ZNF273: variants seen among roughly 807,000 people sequenced by gnomAD.
ZNF273 encodes zinc finger protein 273, also known as zinc finger protein 9.
In ZNF273, 11 loss-of-function variants were observed where a neutral mutation model predicts 14.9. The observed-to-expected ratio is 0.74, with a 90% confidence interval of 0.46 to 1.22. ZNF273 has a LOEUF of 1.22. Ranked by LOEUF, ZNF273 falls within the 50% of genes most tolerant of loss-of-function variation. The probability of loss-of-function intolerance (pLI) is 0.00; values close to 1 mark genes in which losing one functional copy is unlikely to be tolerated. For missense variants in ZNF273, 577 were observed against 660.6 expected (o/e 0.87, Z 1.39); for synonymous variants, 199 against 223.9 (o/e 0.89, Z 0.99).
At chr7:64,925,153 C>T (rs781143316) in intron 3 of ZNF273, among the ~76,000 whole-genome samples, 3 of 151,866 alleles carry the variant, frequency 2.0e-5, no homozygotes, top group African/African-American at 7.3e-5. Context: ...GTCTCTTGAT[C>T]GGAAAGTTAA....
At chr7:64,884,238 C>T (rs1426214690), downstream of ZNF273, among the ~76,000 whole-genome samples, 1 of 152,022 alleles carries the variant, frequency 6.6e-6, no homozygotes, top group Non-Finnish European at 1.5e-5. Flanking sequence ...TGTGGGTAGT[C>T]GTCTCATTTT....
At position 64,927,760 on chromosome 7, in the gene ZNF273, A is replaced by G. The variant is rs1186481471; in HGVS notation, c.432A>G (p.Leu144=). 1.2e-6 allele frequency: 2 copies of G among 1,613,672 alleles called. No individual in the cohort carries two copies. Among genetic ancestry groups the G allele is most frequent in the Admixed American group, 3.3e-5 (2 of 59,940 alleles). Residue 144 remains leucine (L), a synonymous_variant, in exon 4 of 4, where the codon TTA becomes TTG. Transcript: ENST00000476120. ...RRYGKYGHEN[L]QLRKGCKSAD... ...ATGGAAAATATGGACATGAGAATTT[A>G]CAATTAAGAAAAGGCTGTAAAAGTG... is the stretch of plus-strand genomic sequence containing the variant.
chr7:64,930,885 T>C lies in ZNF273; in HGVS notation c.*1847T>C, dbSNP rs1794977377. The C allele has an allele frequency of 6.6e-6, 1 of 152,156 alleles. No homozygotes were observed. Among genetic ancestry groups the C allele is most frequent in the African/African-American group, 2.4e-5 (1 of 41,448 alleles). The allele number at this position is 152,156 out of a possible 1,614,324, so 9.4% of individuals were successfully genotyped here. On this transcript the variant is annotated 3_prime_UTR_variant, in exon 4 of 4. Coordinates refer to ENST00000476120, the MANE Select transcript of ZNF273 (RefSeq NM_021148.3). The stretch of plus-strand genomic sequence containing the variant: ...TTATCCTTTGTATTTTATTTTAAAA[T>C]GTACAACTAAATTGTTATGGACTAC...
intron 1 of ZNF273, chr7:64,888,188 AC>A (rs1300588875): frequency 1.5e-6 from 1 of 647,262 alleles, no homozygotes; most frequent in African/African-American, 2.0e-5. Context: ...CCCTCATTTC[AC>A]CCCATTCCCT....
chr7:64,926,187 C>G (rs1225281823), intron 3 of ZNF273, among the ~76,000 whole-genome samples: 1 of 125,662 alleles, frequency 8.0e-6, no homozygotes, highest in Non-Finnish European at 1.7e-5. Context: ...CTATATCACA[C>G]AGTTTTTTCT....
At chr7:64,889,770 C>T, downstream of ZNF273, 1 of 985,702 alleles carries the variant, frequency 1.0e-6, no homozygotes. This position sits in a 1 kb window ranked among gnomAD's most constrained non-coding sequence, Gnocchi z 4.2. Context: ...CTCCAGGAGT[C>T]CCGAGCCCAA....
chr7:64,925,260 T>C (rs1794716715), intron 3 of ZNF273, among the ~76,000 whole-genome samples: 1 of 152,198 alleles, frequency 6.6e-6, no homozygotes, highest in Non-Finnish European at 1.5e-5. Flanking sequence ...TCATTTTCTT[T>C]ATCTTCTGTG....
intron 3 of ZNF273, chr7:64,923,621 C>T (rs1344711570): frequency 2.3e-5 from 6 of 263,884 alleles, no homozygotes; most frequent in Non-Finnish European, 4.5e-5. Context: ...GGATTACAGG[C>T]ATGAGCCACA....
downstream of ZNF273, among the ~76,000 whole-genome samples, chr7:64,883,178 G>C (rs922441440): frequency 6.6e-6 from 1 of 151,054 alleles, no homozygotes; most frequent in Admixed American, 6.6e-5. Context: ...CGGTGAATTG[G>C]GGGGCTGGCT....
chr7:64,885,780 C>G (rs1791537276), intron 1 of ZNF273, among the ~76,000 whole-genome samples: 1 of 152,132 alleles, frequency 6.6e-6, no homozygotes, highest in Non-Finnish European at 1.5e-5. Context: ...GGTGCTGGGG[C>G]CACAGTGCCA....
chr7:64,921,760 G>T (rs1424530537), intron 3 of ZNF273, among the ~76,000 whole-genome samples: 5 of 151,316 alleles, frequency 3.3e-5, no homozygotes, highest in Admixed American at 2.6e-4. Flanking sequence ...CAAGTAACTG[G>T]GATTACAGGC....
In ZNF273 at chr7:64,903,309, C is replaced by T; in HGVS notation, c.-9C>T. 1.2e-6 allele frequency: 2 copies of T among 1,607,474 alleles called. No homozygotes were observed. The highest frequency in any genetic ancestry group is 1.7e-6 in the Non-Finnish European group (2 of 1,174,884). On this transcript the variant is annotated 5_prime_UTR_variant, in exon 1 of 4. Coordinates refer to ENST00000476120, the MANE Select transcript of ZNF273 (RefSeq NM_021148.3). ...CAGTCGCAGCTCCAGGTCTCGTCTT[C>T]ACTGCTCTATGTCCTCTGCTCCTAG...
intron 1 of ZNF273, among the ~76,000 whole-genome samples, chr7:64,906,668 T>C (rs1429231982): frequency 7.4e-6 from 1 of 136,032 alleles, no homozygotes; most frequent in Non-Finnish European, 1.6e-5. Context: ...ACACCAGCCA[T>C]GAAGAAGCCT....
chr7:64,925,895 C>A (rs10243927), intron 3 of ZNF273, among the ~76,000 whole-genome samples: 8,069 of 149,824 alleles, frequency 0.054, 228 homozygotes, highest in Middle Eastern at 0.082. Flanking sequence ...TGTACTGCAC[C>A]ATTATGATAA....
In ZNF273 at chr7:64,928,045, T is replaced by G. The variant is rs1327631782; in HGVS notation, c.717T>G (p.Cys239Trp). ...TGAATTTCTACAAATGTAAGACATG[T>G]GGAAAAGCCTTTAACCAGTTCTCAA... ...TRVNFYKCKT[C>W]GKAFNQFSNL... Residue 239 changes from cysteine (C) to tryptophan (W), a missense_variant, in exon 4 of 4, where the codon TGT becomes TGG. Around this residue, in one of 3 missense-constraint regions of ZNF273, gnomAD observed 411 missense variants for 440.4 expected, o/e 0.93. Coordinates refer to ENST00000476120, the MANE Select transcript of ZNF273 (RefSeq NM_021148.3). 8.7e-6 allele frequency: 14 copies of G among 1,613,894 alleles called. No individual in the cohort carries two copies. The African/African-American group carries it at 1.6e-4, about 18-fold the overall frequency.
At chr7:64,897,326 T>G (rs1489515135) in intron 3 of ZNF273, 2 of 152,260 alleles carry the variant, frequency 1.3e-5, no homozygotes, top group Non-Finnish European at 2.9e-5. Flanking sequence ...GCTAATGTTT[T>G]TGTTTGTTTG....
chr7:64,928,582 T>G lies in ZNF273; in HGVS notation c.1254T>G (p.Thr418=), dbSNP rs780855503. The change falls in exon 4 of 4, where the codon ACT becomes ACG. Residue 418 remains threonine, a synonymous_variant. Transcript: ENST00000476120. ...CCTTTAAACGGTCCACAACTCTTAC[T>G]AAACATAAGAGAATTTATACTAAAG... ...GKAFKRSTTL[T]KHKRIYTKEK... 6.2e-7 allele frequency: 1 copy of G among 1,610,598 alleles called. No individual in the cohort carries two copies. Among genetic ancestry groups the G allele is most frequent in the East Asian group, 2.2e-5 (1 of 44,844 alleles).
At chr7:64,902,343 A>G (rs545741341), upstream of ZNF273, among the ~76,000 whole-genome samples, 5 of 152,250 alleles carry the variant, frequency 3.3e-5, no homozygotes, top group East Asian at 9.7e-4. Context: ...GTAAAATCGG[A>G]TATTAAATAA....
chr7:64,912,840 T>G (rs1263437965), intron 1 of ZNF273, among the ~76,000 whole-genome samples: 1 of 117,330 alleles, frequency 8.5e-6, no homozygotes, highest in African/African-American at 2.9e-5. Flanking sequence ...TTTTTTTTTT[T>G]TTTTTTGAGA....
Sources: allele counts gnomAD v4.1 joint callset (sites outside exome capture counted in the v4.1 genomes callset), GRCh38; gene constraint gnomAD v4.1.1; regional missense constraint gnomAD v4.1.1; non-coding constraint Gnocchi (gnomAD v3.1); transcripts MANE v1.5; gene names NCBI Gene and HGNC (gene_info 2026-07-23, HGNC 2026-07-21).